The following ZNF133 variants were observed in gnomAD, a reference collection of about 807,000 sequenced individuals.
The protein encoded by ZNF133 is zinc finger protein 133 (clone pHZ-13).
ZNF133 carries 26 observed loss-of-function variants against 54.9 expected under a neutral mutation model. That is an observed-to-expected ratio of 0.47 (90% CI 0.35 to 0.66). The LOEUF (loss-of-function observed/expected upper bound fraction) is 0.66, where lower values mean the gene tolerates loss of function less well. Ranked by LOEUF, ZNF133 falls within the 30% of genes least tolerant of loss-of-function variation. ZNF133 has a pLI of 0.01. For synonymous variants in ZNF133, 298 were observed against 320.3 expected (o/e 0.93, Z 0.74); for missense variants, 653 against 820.8 (o/e 0.80, Z 2.50).
chr20:18,300,448 CAA>C (rs919304422), intron 3 of ZNF133, among the ~76,000 whole-genome samples: 2 of 151,886 alleles, frequency 1.3e-5, no homozygotes, highest in African/African-American at 4.8e-5. Context: ...ATGTAGAAAA[CAA>C]AAAGCAAAAT....
rs1013365281 is a variant in ZNF133, at chr20:18,298,317, C to T, written c.-325C>T. On this transcript the variant is annotated 5_prime_UTR_variant, in exon 3 of 7. In the 5' UTR this introduces an upstream ATG that the reference lacks. Coordinates refer to ENST00000425686, the MANE Select transcript of ZNF133 (RefSeq NM_001352452.2). ...CAAAAGTTCTGCTGCCTGAGAGTAACGTCACAGTAATGGAACGGGAAGATT... is the reference window on the plus strand; with the variant it reads ...CAAAAGTTCTGCTGCCTGAGAGTAATGTCACAGTAATGGAACGGGAAGATT... The T allele has an allele frequency of 8.3e-6, 11 of 1,331,536 alleles. No individual in the cohort carries two copies. Among genetic ancestry groups the T allele is most frequent in the East Asian group, 6.0e-5 (2 of 33,216 alleles). The allele number at this position is 1,331,536 out of a possible 1,614,324, so 82.5% of individuals were successfully genotyped here. A position where few individuals can be genotyped will look rare whatever the true frequency, so the allele number is the denominator to read the frequency against.
chr20:18,302,868 A>C (rs747673324), intron 3 of ZNF133, among the ~76,000 whole-genome samples: 26 of 152,194 alleles, frequency 1.7e-4, no homozygotes, highest in Non-Finnish European at 1.0e-4. Context: ...TATACACTTA[A>C]CAGTGAACAA....
Position 18,315,125 on chromosome 20 carries a change from C to A in ZNF133, c.274C>A (p.Gln92Lys). The change falls in exon 7 of 7, where the codon CAG (glutamine) becomes AAG (lysine). Residue 92 changes from glutamine (Q) to lysine (K), a missense_variant. This residue lies in a region of ZNF133 where 227 missense variants were observed against 233.9 expected (regional missense o/e 0.97). Transcript: ENST00000425686. ...DPFCPPGFSS[Q>K]KFPMQHVLCN... ...TTTCTGCCCTCCGGGTTTCTCCAGT[C>A]AGAAATTCCCCATGCAGCATGTGCT... 6.3e-7 allele frequency: 1 copy of A among 1,577,136 alleles called. No individual in the cohort carries two copies.
At chr20:18,300,390 A>C (rs955351930) in intron 3 of ZNF133, among the ~76,000 whole-genome samples, 2 of 152,178 alleles carry the variant, frequency 1.3e-5, no homozygotes, top group African/African-American at 4.8e-5. Flanking sequence ...AACCAAAGAC[A>C]AAAAAAGGAC....
At position 18,298,425 on chromosome 20, in the gene ZNF133, T is replaced by C. The variant is rs1306224384; in HGVS notation, c.-217T>C. The C allele has an allele frequency of 1.2e-5, 10 of 810,708 alleles. No individual in the cohort carries two copies. The highest frequency in any genetic ancestry group is 1.5e-5 in the Non-Finnish European group (10 of 647,774). 50.2% of individuals were successfully genotyped at this position (810,708 alleles called of 1,614,324 possible). On this transcript the variant is annotated 5_prime_UTR_variant, in exon 3 of 7. Transcript: ENST00000425686. ...CCTATTTTGGAACTCTGGAGTCTAGTTGAAGGCCTCCAGTTCCCAGGGGGA... is the reference window on the plus strand; with the variant it reads ...CCTATTTTGGAACTCTGGAGTCTAGCTGAAGGCCTCCAGTTCCCAGGGGGA...
chr20:18,312,632 A>G (rs1194019933), intron 6 of ZNF133: 2 of 152,222 alleles, frequency 1.3e-5, no homozygotes, highest in Admixed American at 1.3e-4. Flanking sequence ...TTTTCTTCAG[A>G]GCCAGAGCTT....
intron 1 of ZNF133, among the ~76,000 whole-genome samples, chr20:18,289,291 T>C (rs1016076336): frequency 6.6e-6 from 1 of 152,146 alleles, no homozygotes; most frequent in African/African-American, 2.4e-5. Flanking sequence ...GGGACCGTCA[T>C]TGATCGCAAG....
intron 1 of ZNF133, among the ~76,000 whole-genome samples, chr20:18,292,632 A>G (rs2041308779): frequency 6.6e-6 from 1 of 151,938 alleles, no homozygotes; most frequent in Non-Finnish European, 1.5e-5. Context: ...TCCCTGCTTT[A>G]TTTCTCTTCA....
Position 18,298,349 on chromosome 20 carries a change from T to C in ZNF133, c.-293T>C, listed in dbSNP as rs1188712122. 6 of 1,282,548 alleles carry C rather than the reference T, an allele frequency of 4.7e-6. No homozygotes were observed. In the African/African-American group the frequency reaches 9.2e-5, roughly 20 times the overall value. The allele number at this position is 1,282,548 out of a possible 1,614,324, so 79.4% of individuals were successfully genotyped here. On this transcript the variant is annotated 5_prime_UTR_variant, in exon 3 of 7. Transcript: ENST00000425686. ...GTAATGGAACGGGAAGATTCTGGAA[T>C]CTGTGTCCCCACCTAGACAACGATT...
intron 1 of ZNF133, among the ~76,000 whole-genome samples, chr20:18,294,201 T>C (rs1417095991): frequency 2.6e-5 from 4 of 152,186 alleles, no homozygotes; most frequent in East Asian, 1.9e-4. Flanking sequence ...CTCATTGATA[T>C]GTTGAAGGAC....
At chr20:18,293,038 A>G (rs2041412475) in intron 1 of ZNF133, among the ~76,000 whole-genome samples, 1 of 152,234 alleles carries the variant, frequency 6.6e-6, no homozygotes, top group Admixed American at 6.5e-5. Context: ...AGTAAGTGCC[A>G]TGGATGACAG....
intron 6 of ZNF133, among the ~76,000 whole-genome samples, chr20:18,311,329 A>G (rs528582623): frequency 3.0e-4 from 46 of 152,340 alleles, no homozygotes; most frequent in African/African-American, 9.9e-4. Flanking sequence ...TAAGAAATTT[A>G]AAAAATAAAG....
chr20:18,293,783 T>C (rs1252732474), intron 1 of ZNF133, among the ~76,000 whole-genome samples: 1 of 149,550 alleles, frequency 6.7e-6, no homozygotes, highest in Non-Finnish European at 1.5e-5. Flanking sequence ...AACAGCAAAA[T>C]AAACAGTGAT....
chr20:18,306,107 G>A (rs1359608674), intron 5 of ZNF133, among the ~76,000 whole-genome samples, 191 bp from the exon 6 acceptor site: 2 of 152,072 alleles, frequency 1.3e-5, no homozygotes, highest in Non-Finnish European at 2.9e-5. Flanking sequence ...TACTCGGCAT[G>A]GAATAGAATC....
At chr20:18,306,667 T>C in intron 6 of ZNF133, 1 of 1,282,946 alleles carries the variant, frequency 7.8e-7, no homozygotes, top group African/African-American at 1.5e-5. Context: ...CTCTTTCATA[T>C]ATATGGGCTT....
At chr20:18,311,702 T>C (rs2046025137) in intron 6 of ZNF133, among the ~76,000 whole-genome samples, 2 of 152,216 alleles carry the variant, frequency 1.3e-5, no homozygotes, top group South Asian at 2.1e-4. Context: ...AAATATTTAT[T>C]CTTATAATGA....
At chr20:18,311,644 A>C (rs1470533620) in intron 6 of ZNF133, among the ~76,000 whole-genome samples, 1 of 152,234 alleles carries the variant, frequency 6.6e-6, no homozygotes, top group Non-Finnish European at 1.5e-5. Context: ...AAGTAAAATT[A>C]TTGCATGAGA....
rs1568817686 is a variant in ZNF133, at chr20:18,316,319, G to C, written c.1468G>C (p.Gly490Arg). 3 of 1,613,896 alleles carry C rather than the reference G, an allele frequency of 1.9e-6. No individual in the cohort carries two copies. The highest frequency in any genetic ancestry group is 2.5e-6 in the Non-Finnish European group (3 of 1,179,934). The change falls in exon 7 of 7, where the codon GGC becomes CGC. Residue 490 changes from glycine (G) to arginine (R), a missense_variant. Gly to Arg is a moderately radical substitution (Grantham distance 125). Around this residue, in one of 4 missense-constraint regions of ZNF133, gnomAD observed 292 missense variants for 431.6 expected, o/e 0.68. Coordinates refer to ENST00000425686, the MANE Select transcript of ZNF133 (RefSeq NM_001352452.2). ...NLIRHQRTHSGEKPMVCGECG... is the reference protein window; with the variant it reads ...NLIRHQRTHSREKPMVCGECG... ...CATCAGACACCAGAGGACGCACTCA[G>C]GCGAGAAGCCCATGGTGTGTGGGGA...
At chr20:18,311,918 A>G (rs2046108170) in intron 6 of ZNF133, among the ~76,000 whole-genome samples, 1 of 152,228 alleles carries the variant, frequency 6.6e-6, no homozygotes. Context: ...TGAAGGCAAT[A>G]TTAGCCTATC....
Sources: gnomAD v4.1 joint callset for allele counts (sites outside exome capture counted in the v4.1 genomes callset) on GRCh38, gnomAD v4.1.1 for gene constraint, gnomAD v4.1.1 regional missense constraint, MANE v1.5 for transcripts, NCBI Gene and HGNC (gene_info 2026-07-23, HGNC 2026-07-21) for gene names.